Variants in TTLL11 observed in about 807,000 individuals in gnomAD.
TTLL11 encodes tubulin polyglutamylase TTLL11.
A neutral mutation model predicts 51.7 loss-of-function variants in TTLL11; 42 were observed. The ratio of observed to expected loss-of-function variants is 0.81; its 90% CI spans 0.64 to 1.05. TTLL11 has a LOEUF of 1.05. Among genes scored for constraint, TTLL11 ranks in the 50% least tolerant of loss-of-function variants. The probability of loss-of-function intolerance (pLI) is 0.00; values close to 1 mark genes in which losing one functional copy is unlikely to be tolerated. For missense variants in TTLL11, 799 were observed against 940.4 expected, an observed-to-expected ratio of 0.85 and a Z score of 1.97; for synonymous variants, 381 against 383.5, an observed-to-expected ratio of 0.99 and a Z score of 0.08.
intron 8 of TTLL11, among the ~76,000 whole-genome samples, chr9:121,858,585 A>G (rs552608832): frequency 6.6e-6 from 1 of 152,352 alleles, no homozygotes; most frequent in East Asian, 1.9e-4. Flanking sequence ...GACCGGCTGC[A>G]TCTCTGTAGT....
intron 3 of TTLL11, among the ~76,000 whole-genome samples, chr9:122,018,665 G>A (rs72765996): frequency 0.044 from 6,657 of 152,262 alleles, 173 homozygotes; most frequent in African/African-American, 0.073. Flanking sequence ...GTGCCAGGGC[G>A]CTCCAGCAAA....
At chr9:121,915,991 AC>A (rs1417355242) in intron 6 of TTLL11, among the ~76,000 whole-genome samples, 2 of 2,474 alleles carry the variant, frequency 8.1e-4, no homozygotes, top group Admixed American at 8.8e-3. Context: ...ACACACACAT[AC>A]ACACACACAC....
chr9:122,027,006 A>T (rs1844366117), intron 3 of TTLL11, among the ~76,000 whole-genome samples: 2 of 151,862 alleles, frequency 1.3e-5, no homozygotes, highest in Non-Finnish European at 2.9e-5. Flanking sequence ...TAAAGAAAAG[A>T]GGTTTAATTG....
At chr9:122,020,361 C>G (rs1844133073) in intron 3 of TTLL11, among the ~76,000 whole-genome samples, 1 of 152,196 alleles carries the variant, frequency 6.6e-6, no homozygotes, top group Non-Finnish European at 1.5e-5. Flanking sequence ...CTCCCCATCA[C>G]CAACAAAGTT....
chr9:122,054,688 T>A (rs1168093196), intron 1 of TTLL11, among the ~76,000 whole-genome samples: 1 of 152,214 alleles, frequency 6.6e-6, no homozygotes, highest in Non-Finnish European at 1.5e-5. Context: ...AAATTATAAA[T>A]GAACTCCATT....
intron 3 of TTLL11, among the ~76,000 whole-genome samples, chr9:122,007,590 C>A (rs988385436): frequency 1.3e-5 from 2 of 151,782 alleles, no homozygotes; most frequent in African/African-American, 4.8e-5. Context: ...TATTATAACC[C>A]ACAGAATAAA....
rs764912524 is a variant in TTLL11, at chr9:121,989,270, G to A, written c.1194C>T (p.Ile398=). 19 of 1,614,156 alleles carry A rather than the reference G, an allele frequency of 1.2e-5. No homozygotes were observed. Among genetic ancestry groups the A allele is most frequent in the Non-Finnish European group, 1.5e-5 (18 of 1,180,010 alleles). The change falls in exon 4 of 9, where the codon ATC becomes ATT. Residue 398 remains isoleucine, a synonymous_variant. Coordinates refer to ENST00000321582, the MANE Select transcript of TTLL11 (RefSeq NM_001139442.2). The surrounding 1 kb of genome is among the most constrained non-coding windows in gnomAD (Gnocchi z 4.2). Reference sequence around the variant, plus strand: ...AGACTTTGAGCTCTGGAGTCAGCGCGATGACCGTCTTAATCACCACGGAGA... The same window carrying A: ...AGACTTTGAGCTCTGGAGTCAGCGCAATGACCGTCTTAATCACCACGGAGA... ...DIISVVIKTV[I]ALTPELKVFY...
At chr9:121,917,675 GA>G (rs1840391464) in intron 6 of TTLL11, among the ~76,000 whole-genome samples, 3 of 151,312 alleles carry the variant, frequency 2.0e-5, no homozygotes, top group African/African-American at 7.3e-5. Context: ...AGGAAGAAAG[GA>G]AGTGAAGAAA....
chr9:121,986,477 G>A (rs1842944683), intron 4 of TTLL11, among the ~76,000 whole-genome samples: 2 of 152,170 alleles, frequency 1.3e-5, no homozygotes, highest in South Asian at 4.1e-4. Context: ...GCTTACGTCA[G>A]GACTTGTTTT....
At chr9:121,944,024 C>G (rs2131587113) in intron 6 of TTLL11, among the ~76,000 whole-genome samples, 1 of 152,306 alleles carries the variant, frequency 6.6e-6, no homozygotes, top group South Asian at 2.1e-4. Flanking sequence ...TGGACATTTA[C>G]AAATTCCTGA....
intron 6 of TTLL11, among the ~76,000 whole-genome samples, chr9:121,909,213 C>T (rs1319314963): frequency 6.6e-6 from 1 of 152,144 alleles, no homozygotes; most frequent in Non-Finnish European, 1.5e-5. Context: ...GGGTTGTGAC[C>T]AACTCAGCAT....
In TTLL11 at chr9:121,826,199, T is replaced by C. The variant is rs1280034661; in HGVS notation, c.1841-3320A>G. On this transcript the variant is annotated intron_variant, in intron 8 of 8. Coordinates refer to ENST00000321582, the MANE Select transcript of TTLL11 (RefSeq NM_001139442.2). ...AACCAGTAACCTATATATATATATA[T>C]ATATATATATATATATATGCACACA... Among the ~76,000 whole-genome samples the C allele has an allele frequency of 4.5e-3, 494 of 110,116 alleles. 50 individuals carry two copies. Among genetic ancestry groups the C allele is most frequent in the African/African-American group, 0.018 (450 of 24,964 alleles). The allele number at this position is 110,116 out of a possible 152,430, so 72.2% of individuals were successfully genotyped here.
intron 1 of TTLL11, among the ~76,000 whole-genome samples, chr9:122,061,737 A>C (rs1211584906): frequency 1.3e-5 from 2 of 152,092 alleles, no homozygotes; most frequent in Admixed American, 1.3e-4. Flanking sequence ...TCCTGGGTTA[A>C]AGCGATTCTC....
intron 6 of TTLL11, among the ~76,000 whole-genome samples, chr9:121,906,871 A>G (rs965070162): frequency 1.3e-5 from 2 of 152,118 alleles, no homozygotes; most frequent in African/African-American, 4.8e-5. Flanking sequence ...AAAAAGCTCT[A>G]TCTGCCTTCC....
chr9:121,934,233 C>G lies in TTLL11; in HGVS notation c.1481+39776G>C, dbSNP rs370795675. On this transcript the variant is annotated intron_variant, in intron 6 of 8. Coordinates refer to ENST00000321582, the MANE Select transcript of TTLL11 (RefSeq NM_001139442.2). The stretch of plus-strand genomic sequence containing the variant: ...GGGCAACAAGAGCAAAACTCCATCT[C>G]AAAAATAAATAAATAAATAAATAAA... Among the ~76,000 whole-genome samples, 3 of 27,542 alleles carry G rather than the reference C, an allele frequency of 1.1e-4. No individual in the cohort carries two copies. The East Asian group carries it at 1.7e-3, about 15-fold the overall frequency. The allele number at this position is 27,542 out of a possible 152,430, so 18.1% of individuals were successfully genotyped here.
At chr9:121,898,447 G>C (rs957475369) in intron 6 of TTLL11, among the ~76,000 whole-genome samples, 1 of 152,278 alleles carries the variant, frequency 6.6e-6, no homozygotes, top group Non-Finnish European at 1.5e-5. Flanking sequence ...AGAGGTGGCT[G>C]AAGTGGAACA....
intron 8 of TTLL11, among the ~76,000 whole-genome samples, chr9:121,858,991 C>T (rs1337359964): frequency 1.3e-5 from 2 of 152,162 alleles, no homozygotes; most frequent in Non-Finnish European, 1.5e-5. Flanking sequence ...GAGGGCGTGG[C>T]GTGGGTGCCA....
intron 6 of TTLL11, among the ~76,000 whole-genome samples, chr9:121,939,587 G>A (rs970018888): frequency 1.3e-5 from 2 of 152,074 alleles, no homozygotes; most frequent in Non-Finnish European, 2.9e-5. Flanking sequence ...GCACAAGAGT[G>A]AGAGATCCAA....
At chr9:122,027,464 C>T (rs373356341) in intron 3 of TTLL11, among the ~76,000 whole-genome samples, 51 of 152,100 alleles carry the variant, frequency 3.4e-4, no homozygotes, top group African/African-American at 1.0e-3. Context: ...GAATCCTGTA[C>T]CAGAAAAAGG....
Sources: gnomAD v4.1 joint callset for allele counts (sites outside exome capture counted in the v4.1 genomes callset) on GRCh38, gnomAD v4.1.1 for gene constraint, Gnocchi (gnomAD v3.1) non-coding constraint, MANE v1.5 for transcripts, NCBI Gene and HGNC (gene_info 2026-07-23, HGNC 2026-07-21) for gene names.